The following MAP3K15 variants were observed in gnomAD, a reference collection of about 807,000 sequenced individuals.
MAP3K15 encodes the protein mitogen-activated protein kinase kinase kinase 15.
Under a neutral mutation model 99.5 loss-of-function variants are expected in MAP3K15, and 124 were observed. That is an observed-to-expected ratio of 1.25 (90% CI 1.08 to 1.45). The LOEUF is 1.45. Ranked by LOEUF, MAP3K15 falls within the 40% of genes most tolerant of loss-of-function variation. The pLI, the probability that MAP3K15 is intolerant of heterozygous loss-of-function variation, is 0.00. For missense variants in MAP3K15, 1,242 were observed against 1,079.7 expected, an observed-to-expected ratio of 1.15 and a Z score of -2.11; for synonymous variants, 494 against 439.6, an observed-to-expected ratio of 1.12 and a Z score of -1.55.
chrX:19,446,727 C>T (rs1461255731), intron 6 of MAP3K15, among the ~76,000 whole-genome samples: 1 of 110,552 alleles, frequency 9.0e-6, no homozygotes, highest in African/African-American at 3.3e-5. Flanking sequence ...AACCTCCGGT[C>T]TTATCAAACA....
At chrX:19,472,578 A>G (rs1358235286) in intron 3 of MAP3K15, among the ~76,000 whole-genome samples, 1 of 111,715 alleles carries the variant, frequency 9.0e-6, no homozygotes, top group African/African-American at 3.3e-5. Context: ...CCACAGGAAC[A>G]AATGAAAAGT....
rs1253605138 is a variant in MAP3K15, at chrX:19,514,966, G to T, written c.296C>A (p.Thr99Asn). The T allele has an allele frequency of 8.7e-7, 1 of 1,146,581 alleles. No homozygotes were observed. The highest frequency in any genetic ancestry group is 1.2e-6 in the Non-Finnish European group (1 of 868,553). 94.5% of individuals were successfully genotyped at this position (1,146,581 alleles called of 1,213,427 possible). Residue 99 changes from threonine (T) to asparagine (N), a missense_variant, in exon 1 of 29, where the codon ACC becomes AAC. Physicochemically the swap from Thr to Asn is moderately conservative, Grantham distance 65. Coordinates refer to ENST00000338883, the MANE Select transcript of MAP3K15 (RefSeq NM_001001671.4). ...GTCCAGCTCCCCGAAGGGCACGGAG[G>T]TGAGGTGAGCGCCCTCGGCCTCGCA... ...RACEAEGAHLTSVPFGELDFG... is the reference protein window; with the variant it reads ...RACEAEGAHLNSVPFGELDFG...
chrX:19,452,517 G>A, intron 6 of MAP3K15, among the ~76,000 whole-genome samples: 1 of 111,856 alleles, frequency 8.9e-6, no homozygotes. Flanking sequence ...TTGGAAGCAG[G>A]GTCTAGAAGA....
chrX:19,431,639 G>A (rs1248830172), intron 6 of MAP3K15, 31 bp from the exon 7 acceptor site: 3 of 1,162,685 alleles, frequency 2.6e-6, no homozygotes, highest in South Asian at 3.8e-5. Flanking sequence ...GGTCACAAAT[G>A]AATCAATCAA....
intron 1 of MAP3K15, among the ~76,000 whole-genome samples, chrX:19,507,463 G>T (rs2064485084): frequency 9.4e-6 from 1 of 106,197 alleles, no homozygotes; most frequent in South Asian, 4.2e-4. Flanking sequence ...GTAAGTCCCA[G>T]CGACTCGGGA....
intron 3 of MAP3K15, among the ~76,000 whole-genome samples, chrX:19,485,308 CAAAAAAAAAAAAAAA>C (rs368987947): frequency 1.3e-4 from 1 of 7,926 alleles, no homozygotes; most frequent in Admixed American, 2.2e-3. Flanking sequence ...GACTCTGTCT[CAAAAAAAAAAAAAAA>C]AAAAAAAAAA....
rs763914956 is a variant in MAP3K15, at chrX:19,425,558, C to G, written c.1412G>C (p.Arg471Thr). The stretch of plus-strand genomic sequence containing the variant: ...GACTGGAGGTTTCAGTTTGAACAAC[C>G]TCTCTGCTGCCTGGACGGCTTTCCC... The part of the protein sequence containing the change: ...DVGKAVQAAE[R>T]LFKLKPPVWY... The change falls in exon 9 of 29, where the codon AGG (arginine) becomes ACG (threonine). Residue 471 changes from arginine (R) to threonine (T), a missense_variant. Transcript: ENST00000338883. The G allele has an allele frequency of 1.0e-5, 12 of 1,196,469 alleles. No individual in the cohort carries two copies. The East Asian group carries it at 1.5e-4, about 15-fold the overall frequency.
In MAP3K15 at chrX:19,419,107, A is replaced by T. The variant is rs752502198; in HGVS notation, c.1440-3850T>A. Among the ~76,000 whole-genome samples the T allele has an allele frequency of 7.0e-3, 786 of 112,163 alleles. 5 individuals carry two copies. Among genetic ancestry groups the T allele is most frequent in the African/African-American group, 0.023 (716 of 30,881 alleles). On this transcript the variant is annotated intron_variant, in intron 9 of 28. Coordinates refer to ENST00000338883, the MANE Select transcript of MAP3K15 (RefSeq NM_001001671.4). ...ACATGCCAAATTGTAAAGACCATCA[A>T]GGCTAGGAAGAAACTGCATCAACTA...
chrX:19,365,708 T>C (rs1356440837), intron 25 of MAP3K15, among the ~76,000 whole-genome samples: 1 of 111,664 alleles, frequency 9.0e-6, no homozygotes, highest in Non-Finnish European at 1.9e-5. Flanking sequence ...CTAAGCTTTA[T>C]TGAAATTACT....
At chrX:19,485,101 G>C (rs2064313976) in intron 3 of MAP3K15, among the ~76,000 whole-genome samples, 1 of 110,308 alleles carries the variant, frequency 9.1e-6, no homozygotes, top group African/African-American at 3.3e-5. Flanking sequence ...TTGAGGTCAG[G>C]AGTTCAAGAC....
intron 6 of MAP3K15, among the ~76,000 whole-genome samples, chrX:19,445,537 C>T (rs1311366977): frequency 2.0e-5 from 2 of 101,090 alleles, no homozygotes; most frequent in Non-Finnish European, 4.0e-5. Context: ...TTGCAGTGAG[C>T]TGAGATCACA....
intron 6 of MAP3K15, among the ~76,000 whole-genome samples, chrX:19,435,265 G>A (rs1323796939): frequency 2.9e-5 from 3 of 102,921 alleles, no homozygotes; most frequent in East Asian, 3.0e-4. Flanking sequence ...AGACAGGGTC[G>A]CCCAGGCTGG....
chrX:19,433,912 A>G (rs1043494581), intron 6 of MAP3K15, among the ~76,000 whole-genome samples: 6 of 111,502 alleles, frequency 5.4e-5, no homozygotes, highest in Non-Finnish European at 7.5e-5. Flanking sequence ...ACAGCAAAAT[A>G]TATTTTGCAA....
intron 1 of MAP3K15, among the ~76,000 whole-genome samples, chrX:19,503,124 G>C (rs756878456): frequency 5.4e-4 from 60 of 111,857 alleles, no homozygotes; most frequent in African/African-American, 1.9e-3. Context: ...CAATGAGGGA[G>C]AGAGTGGGAT....
chrX:19,363,119 C>T (rs2063305875), intron 25 of MAP3K15, among the ~76,000 whole-genome samples: 1 of 111,941 alleles, frequency 8.9e-6, no homozygotes, highest in Admixed American at 9.5e-5. Context: ...TTGCAATGGA[C>T]TCAATGTGTG....
chrX:19,424,641 CTTTAT>C (rs1347398744), intron 9 of MAP3K15, among the ~76,000 whole-genome samples: 1 of 110,112 alleles, frequency 9.1e-6, no homozygotes, highest in Non-Finnish European at 1.9e-5. Flanking sequence ...TGTTTTCTTT[CTTTAT>C]TTTACCTATT....
chrX:19,434,309 C>G (rs1365646937), intron 6 of MAP3K15, among the ~76,000 whole-genome samples: 1 of 109,236 alleles, frequency 9.2e-6, no homozygotes, highest in Non-Finnish European at 1.9e-5. Context: ...CACTGCAACT[C>G]TGCCTCTCAG....
At chrX:19,429,610 G>C (rs925828875) in intron 7 of MAP3K15, among the ~76,000 whole-genome samples, 3 of 109,686 alleles carry the variant, frequency 2.7e-5, no homozygotes, top group Non-Finnish European at 5.7e-5. Context: ...GGTGGACAAA[G>C]GGGGGGAGGT....
At chrX:19,424,309 CAT>C (rs201105949) in intron 9 of MAP3K15, among the ~76,000 whole-genome samples, 12,743 of 103,027 alleles carry the variant, frequency 0.12, 1,392 homozygotes, top group African/African-American at 0.36. Flanking sequence ...TATATACACA[CAT>C]ATATATACAT....
Sources: gnomAD v4.1 joint callset for allele counts (sites outside exome capture counted in the v4.1 genomes callset) on GRCh38, gnomAD v4.1.1 for gene constraint, MANE v1.5 for transcripts, NCBI Gene and HGNC (gene_info 2026-07-23, HGNC 2026-07-21) for gene names.